SHTN1: variants seen among roughly 807,000 people sequenced by gnomAD.
SHTN1 encodes the protein shootin-1.
Under a neutral mutation model 83.1 loss-of-function variants are expected in SHTN1, and 42 were observed. The ratio of observed to expected loss-of-function variants is 0.51; its 90% CI spans 0.39 to 0.65. The LOEUF is 0.65. SHTN1 is among the 30% of genes least tolerant of loss of function. The pLI, the probability that SHTN1 is intolerant of heterozygous loss-of-function variation, is 0.00. For synonymous variants in SHTN1, 224 were observed against 247.7 expected (o/e 0.90, Z 0.90); for missense variants, 622 against 737.8 (o/e 0.84, Z 1.82).
In SHTN1 at chr10:116,886,365, C is replaced by G; in HGVS notation, c.1875G>C (p.Glu625Asp). The G allele has an allele frequency of 1.3e-6, 2 of 1,554,932 alleles. No individual in the cohort carries two copies. The highest frequency in any genetic ancestry group is 1.7e-6 in the Non-Finnish European group (2 of 1,148,180). Reference protein sequence around the residue: ...NKEDSIENVRETDSSNC With the variant: ...NKEDSIENVRDTDSSNC ...TGGATCAGCAGTTGGAGCTGTCTGT[C>G]TCTCTCACGTTTTCAATGCTGTCTT... Residue 625 changes from glutamate (E) to aspartate (D), a missense_variant, in exon 17 of 17, where the codon GAG becomes GAC. Transcript: ENST00000355371.
At chr10:116,991,953 G>A (rs1322148614) in intron 1 of SHTN1, among the ~76,000 whole-genome samples, 1 of 152,072 alleles carries the variant, frequency 6.6e-6, no homozygotes, top group East Asian at 1.9e-4. Context: ...ACCAGCCTGA[G>A]CAGCATGGTG....
intron 16 of SHTN1, chr10:116,900,721 A>ATC: frequency 1.0e-6 from 1 of 984,344 alleles, no homozygotes; most frequent in Non-Finnish European, 1.2e-6. Context: ...AATATAGATC[A>ATC]TCTTTCTGTT....
At chr10:116,926,155 C>T (rs1247491892) in intron 11 of SHTN1, among the ~76,000 whole-genome samples, 1 of 152,054 alleles carries the variant, frequency 6.6e-6, no homozygotes, top group South Asian at 2.1e-4. Flanking sequence ...CGTTTCTCAG[C>T]GTAACTGTAA....
In SHTN1 at chr10:116,883,624, TG is replaced by T. The variant is rs1379868520; in HGVS notation, c.*2719del. Reference sequence around the variant, plus strand: ...ATTTACTGAACACACAACCAAAAACTGGTCTGGAAAGACAATTAAAAATAAT... The same window carrying T: ...ATTTACTGAACACACAACCAAAAACTGTCTGGAAAGACAATTAAAAATAAT... On this transcript the variant is annotated 3_prime_UTR_variant, in exon 17 of 17. Transcript: ENST00000355371. The T allele has an allele frequency of 6.6e-6, 1 of 152,508 alleles. No individual in the cohort carries two copies. The highest frequency in any genetic ancestry group is 2.4e-5 in the African/African-American group (1 of 41,458). The allele number at this position is 152,508 out of a possible 1,614,324, so 9.4% of individuals were successfully genotyped here. A position where few individuals can be genotyped will look rare whatever the true frequency, so the allele number is the denominator to read the frequency against.
intron 16 of SHTN1, among the ~76,000 whole-genome samples, chr10:116,891,634 C>T (rs1271982334): frequency 1.3e-5 from 2 of 152,074 alleles, no homozygotes; most frequent in Non-Finnish European, 2.9e-5. Flanking sequence ...GCCCTTTATA[C>T]AGTTACTGCA....
intron 15 of SHTN1, among the ~76,000 whole-genome samples, chr10:116,903,520 T>C (rs1847833473): frequency 6.6e-6 from 1 of 151,596 alleles, no homozygotes; most frequent in African/African-American, 2.4e-5. Context: ...AGAGACTTCA[T>C]CTCAGAGACA....
intron 3 of SHTN1, among the ~76,000 whole-genome samples, chr10:116,964,478 G>A (rs550227811): frequency 6.6e-6 from 1 of 152,256 alleles, no homozygotes; most frequent in East Asian, 1.9e-4. Context: ...TGCTTCTAGA[G>A]CAAATCTCTC....
At chr10:117,099,465 A>G (rs938830177) in intron 1 of SHTN1, among the ~76,000 whole-genome samples, 9 of 152,194 alleles carry the variant, frequency 5.9e-5, no homozygotes, top group African/African-American at 2.2e-4. Context: ...ATCTACCAAT[A>G]TCACTTCACT....
rs953015402 is a variant in SHTN1 at position 116,885,464 on chromosome 10, A to T, written c.*880T>A. ...TAATTTCTTTTTTAAAAAAAACAAC[A>T]ACAAACCTGTGTAATATAGAACAGC... On this transcript the variant is annotated 3_prime_UTR_variant, in exon 17 of 17. Coordinates refer to ENST00000355371, the MANE Select transcript of SHTN1 (RefSeq NM_001127211.3). The T allele has an allele frequency of 6.6e-6, 1 of 152,644 alleles. No individual in the cohort carries two copies. Among genetic ancestry groups the T allele is most frequent in the South Asian group, 2.1e-4 (1 of 4,834 alleles). 9.5% of individuals were successfully genotyped at this position (152,644 alleles called of 1,614,324 possible).
At chr10:116,956,690 T>C (rs1849989570) in intron 4 of SHTN1, among the ~76,000 whole-genome samples, 2 of 152,252 alleles carry the variant, frequency 1.3e-5, no homozygotes, top group East Asian at 3.9e-4. Flanking sequence ...ACTACAATAA[T>C]ACCTTAGCAA....
At position 117,098,224 on chromosome 10, in the gene SHTN1, T is replaced by TAAAAAA. The variant is rs34407973; in HGVS notation, c.-189+28077_-189+28082dup. 2.6e-4 allele frequency among the ~76,000 whole-genome samples: 29 copies of TAAAAAA among 113,434 alleles called. No homozygotes were observed. The East Asian group carries it at 4.9e-3, about 19-fold the overall frequency. 74.4% of individuals were successfully genotyped at this position (113,434 alleles called of 152,430 possible). Reference sequence around the variant, plus strand: ...TAACACGGTGAAATCCCGTCTCTACTAAAAAAAAAAAAAAAAAAAAAAATT... The same window carrying TAAAAAA: ...TAACACGGTGAAATCCCGTCTCTACTAAAAAAAAAAAAAAAAAAAAAAAAAAAAATT... On this transcript the variant is annotated intron_variant, in intron 1 of 17. Coordinates refer to the SHTN1 transcript ENST00000392901.
chr10:116,922,517 T>A (rs964934112), intron 11 of SHTN1, among the ~76,000 whole-genome samples: 2 of 152,174 alleles, frequency 1.3e-5, no homozygotes, highest in Admixed American at 1.3e-4. Flanking sequence ...AGAATGTTCA[T>A]GAAGAATTTC....
rs550397707 is a variant in SHTN1, at chr10:116,970,363, C to T, written c.112-1651G>A. 7.2e-4 allele frequency among the ~76,000 whole-genome samples: 110 copies of T among 152,168 alleles called. 2 individuals are homozygous for T. The South Asian group carries it at 0.022, about 30-fold the overall frequency. On this transcript the variant is annotated intron_variant, in intron 2 of 16. Coordinates refer to ENST00000355371, the MANE Select transcript of SHTN1 (RefSeq NM_001127211.3). ...AATAGTACATCATGGTATGTTCATA[C>T]ACTATACTACAGAGCAGTGAAAATG...
intron 2 of SHTN1, among the ~76,000 whole-genome samples, chr10:116,970,724 A>C (rs184793210): frequency 5.3e-5 from 8 of 152,156 alleles, no homozygotes; most frequent in Admixed American, 1.3e-4. Flanking sequence ...AAAAAAAAAA[A>C]AAACAAACCA....
chr10:116,956,831 A>G (rs1849996412), intron 4 of SHTN1, among the ~76,000 whole-genome samples: 1 of 152,148 alleles, frequency 6.6e-6, no homozygotes, highest in South Asian at 2.1e-4. Context: ...AAAAAAGCCA[A>G]TCAGAAAATT....
intron 3 of SHTN1, among the ~76,000 whole-genome samples, chr10:116,962,344 TC>T (rs748331083): frequency 2.0e-5 from 3 of 152,066 alleles, no homozygotes; most frequent in Non-Finnish European, 4.4e-5. Context: ...ATCCTAATAT[TC>T]CTGGCATTTT....
At chr10:116,894,385 T>C (rs1332047372) in intron 16 of SHTN1, among the ~76,000 whole-genome samples, 1 of 152,232 alleles carries the variant, frequency 6.6e-6, no homozygotes, top group Non-Finnish European at 1.5e-5. Context: ...GCATGTAACC[T>C]CTTTTGACTC....
At chr10:116,965,139 A>G (rs552708000) in intron 3 of SHTN1, among the ~76,000 whole-genome samples, 11 of 152,320 alleles carry the variant, frequency 7.2e-5, no homozygotes, top group Admixed American at 3.3e-4. Context: ...GGATAAAAAC[A>G]TTTATCCTGG....
intron 3 of SHTN1, among the ~76,000 whole-genome samples, chr10:116,963,052 T>G (rs1850246597): frequency 1.4e-4 from 2 of 14,514 alleles, no homozygotes; most frequent in Non-Finnish European, 3.2e-4. Context: ...TTTTTTTTTT[T>G]TTTTTTTTTT....
Sources: allele counts gnomAD v4.1 joint callset (sites outside exome capture counted in the v4.1 genomes callset), GRCh38; gene constraint gnomAD v4.1.1; transcripts MANE v1.5; gene names NCBI Gene and HGNC (gene_info 2026-07-23, HGNC 2026-07-21).